Variants in HS3ST3A1 observed in about 807,000 individuals in gnomAD.
HS3ST3A1 encodes heparan sulfate-glucosamine 3-sulfotransferase 3A1, also known as heparan sulfate glucosamine 3-O-sulfotransferase 3A1.
A neutral mutation model predicts 25.7 loss-of-function variants in HS3ST3A1; 19 were observed. That is an observed-to-expected ratio of 0.74 (90% confidence interval 0.52 to 1.08). HS3ST3A1 has a LOEUF of 1.08. Among genes scored for constraint, HS3ST3A1 ranks in the 50% least tolerant of loss-of-function variants. HS3ST3A1 has a pLI of 0.00. For missense variants in HS3ST3A1, 459 were observed against 594.3 expected, an observed-to-expected ratio of 0.77 and a Z score of 2.37; for synonymous variants, 226 against 278.6, an observed-to-expected ratio of 0.81 and a Z score of 1.88.
chr17:13,512,932 T>A (rs1905925369), intron 1 of HS3ST3A1, among the ~76,000 whole-genome samples: 1 of 152,250 alleles, frequency 6.6e-6, no homozygotes, highest in South Asian at 2.1e-4. Context: ...AGAAAAATAA[T>A]AGATTTATAT....
intron 1 of HS3ST3A1, among the ~76,000 whole-genome samples, chr17:13,593,384 C>T (rs1010577962): frequency 6.6e-6 from 1 of 152,108 alleles, no homozygotes; most frequent in Admixed American, 6.6e-5. Flanking sequence ...CCTTTCACAC[C>T]TTCTTCACTT....
intron 1 of HS3ST3A1, among the ~76,000 whole-genome samples, chr17:13,526,516 T>TA (rs1567614551): frequency 7.0e-5 from 6 of 85,502 alleles, no homozygotes; most frequent in African/African-American, 1.7e-4. Flanking sequence ...ATATATATAT[T>TA]ATTGGGTTGG....
At chr17:13,591,624 A>T (rs1428134633) in intron 1 of HS3ST3A1, among the ~76,000 whole-genome samples, 1 of 150,138 alleles carries the variant, frequency 6.7e-6, no homozygotes, top group Non-Finnish European at 1.5e-5. Flanking sequence ...TTATGACCAT[A>T]TTTTAATGTA....
intron 1 of HS3ST3A1, among the ~76,000 whole-genome samples, chr17:13,515,955 GT>G (rs57968930): frequency 6.6e-6 from 1 of 152,146 alleles, no homozygotes; most frequent in African/African-American, 2.4e-5. Context: ...GTTTATTACA[GT>G]TTTTTGCCCA....
At chr17:13,506,700 G>A (rs1370420448) in intron 1 of HS3ST3A1, among the ~76,000 whole-genome samples, 2 of 152,294 alleles carry the variant, frequency 1.3e-5, no homozygotes, top group Middle Eastern at 3.4e-3. Flanking sequence ...CACAAGGCAT[G>A]TGATGGAGGA....
chr17:13,547,120 C>G (rs1399314502), intron 1 of HS3ST3A1, among the ~76,000 whole-genome samples: 1 of 152,316 alleles, frequency 6.6e-6, no homozygotes, highest in Admixed American at 6.5e-5. Context: ...CCATCCATCA[C>G]TCCCATTCAC....
intron 1 of HS3ST3A1, among the ~76,000 whole-genome samples, chr17:13,497,675 G>C (rs1905329083): frequency 6.6e-6 from 1 of 152,256 alleles, no homozygotes. Flanking sequence ...ATGAACAGGA[G>C]AGATCAAATC....
intron 1 of HS3ST3A1, among the ~76,000 whole-genome samples, chr17:13,584,583 G>A (rs1022386074): frequency 1.3e-5 from 2 of 151,266 alleles, no homozygotes; most frequent in Non-Finnish European, 2.9e-5. Context: ...AGGAAGGAGG[G>A]AAGGAAGGAA....
At chr17:13,577,496 G>A (rs1032382875) in intron 1 of HS3ST3A1, among the ~76,000 whole-genome samples, 10 of 152,064 alleles carry the variant, frequency 6.6e-5, no homozygotes, top group Admixed American at 3.9e-4. Context: ...TCTCCCTCCC[G>A]GGACAGAGGA....
At chr17:13,566,827 C>G (rs1298384861) in intron 1 of HS3ST3A1, among the ~76,000 whole-genome samples, 1 of 152,066 alleles carries the variant, frequency 6.6e-6, no homozygotes, top group African/African-American at 2.4e-5. Context: ...TTAGCAGAGT[C>G]TAGTTCATGG....
intron 1 of HS3ST3A1, among the ~76,000 whole-genome samples, chr17:13,561,235 G>T (rs557675091): frequency 6.6e-6 from 1 of 152,138 alleles, no homozygotes; most frequent in African/African-American, 2.4e-5. Context: ...CTAGAGGAAA[G>T]GAAGTTTGGA....
intron 1 of HS3ST3A1, among the ~76,000 whole-genome samples, chr17:13,517,222 T>C (rs1906084595): frequency 6.6e-6 from 1 of 152,212 alleles, no homozygotes; most frequent in South Asian, 2.1e-4. Flanking sequence ...AAATATTTAG[T>C]GAATGAACGT....
At position 13,494,997 on chromosome 17, in the gene HS3ST3A1, C is replaced by T. The variant is rs957525399; in HGVS notation, c.*1200G>A. Among the ~76,000 whole-genome samples the T allele has an allele frequency of 2.6e-5, 4 of 152,050 alleles. No individual in the cohort carries two copies. The highest frequency in any genetic ancestry group is 9.7e-5 in the African/African-American group (4 of 41,388). On this transcript the variant is annotated 3_prime_UTR_variant, in exon 2 of 2. Transcript: ENST00000284110. ...CCATGAAAAATAAAAACATTTTAAACGAACTGCTAATTAATTCTTTCAGAG... is the reference window on the plus strand; with the variant it reads ...CCATGAAAAATAAAAACATTTTAAATGAACTGCTAATTAATTCTTTCAGAG...
intron 1 of HS3ST3A1, among the ~76,000 whole-genome samples, chr17:13,510,357 C>T (rs1014072359): frequency 1.3e-5 from 2 of 152,138 alleles, no homozygotes; most frequent in South Asian, 2.1e-4. Flanking sequence ...GGGGGGAAAA[C>T]GTGTTTTTCC....
At chr17:13,566,074 T>C (rs1811421420) in intron 1 of HS3ST3A1, among the ~76,000 whole-genome samples, 1 of 152,362 alleles carries the variant, frequency 6.6e-6, no homozygotes, top group African/African-American at 2.4e-5. Flanking sequence ...TGGTTTACTG[T>C]GCATTGCAGA....
At chr17:13,545,510 G>T (rs1056183297) in intron 1 of HS3ST3A1, among the ~76,000 whole-genome samples, 2 of 152,144 alleles carry the variant, frequency 1.3e-5, no homozygotes, top group Non-Finnish European at 2.9e-5. Context: ...CATGGAAGAG[G>T]TTTGTGTATC....
chr17:13,536,045 C>T (rs1276168975), intron 1 of HS3ST3A1, among the ~76,000 whole-genome samples: 4 of 152,156 alleles, frequency 2.6e-5, no homozygotes, highest in African/African-American at 9.7e-5. Context: ...GGACAGAGTT[C>T]TATTTCTCAG....
rs371475321 is a variant in HS3ST3A1 at position 13,503,817 on chromosome 17, C to T, written c.600-6999G>A. Reference sequence around the variant, plus strand: ...AAACTCTTTGGCACTATCTACCAAACGAGCGCATTCACTGTGACCCAGCCA... The same window carrying T: ...AAACTCTTTGGCACTATCTACCAAATGAGCGCATTCACTGTGACCCAGCCA... On this transcript the variant is annotated intron_variant, in intron 1 of 1. Coordinates refer to ENST00000284110, the MANE Select transcript of HS3ST3A1 (RefSeq NM_006042.3). 6.6e-5 allele frequency among the ~76,000 whole-genome samples: 10 copies of T among 152,254 alleles called. No individual in the cohort carries two copies. The East Asian group carries it at 9.7e-4, about 15-fold the overall frequency.
intron 1 of HS3ST3A1, among the ~76,000 whole-genome samples, chr17:13,574,448 G>A (rs1198267032): frequency 1.3e-5 from 2 of 151,340 alleles, no homozygotes; most frequent in African/African-American, 4.8e-5. Flanking sequence ...GTCGGGTGTG[G>A]TGGCTCACAC....
Sources: allele counts gnomAD v4.1 joint callset (sites outside exome capture counted in the v4.1 genomes callset), GRCh38; gene constraint gnomAD v4.1.1; transcripts MANE v1.5; gene names NCBI Gene and HGNC (gene_info 2026-07-23, HGNC 2026-07-21).